CACNB2: variants seen among roughly 807,000 people sequenced by gnomAD.
CACNB2 encodes calcium voltage-gated channel auxiliary subunit beta 2.
Under a neutral mutation model 73.3 loss-of-function variants are expected in CACNB2, and 42 were observed. That is an observed-to-expected ratio of 0.57 (90% CI 0.45 to 0.74). CACNB2 has a LOEUF of 0.74. Ranked by LOEUF, CACNB2 falls within the 30% of genes least tolerant of loss-of-function variation. The pLI is 0.00. For synonymous variants in CACNB2, 348 were observed against 310.3 expected, an observed-to-expected ratio of 1.12 and a Z score of -1.28; for missense variants, 940 against 853.0, an observed-to-expected ratio of 1.10 and a Z score of -1.27.
chr10:18,276,064 A>G (rs1296570588), intron 2 of CACNB2, among the ~76,000 whole-genome samples: 1 of 152,202 alleles, frequency 6.6e-6, no homozygotes, highest in Non-Finnish European at 1.5e-5. Flanking sequence ...TTTTATAGTA[A>G]TCTCAAATAA....
chr10:18,539,213 G>A lies in CACNB2; in HGVS notation c.1489-17G>A, dbSNP rs766681274. 1 of 1,613,918 alleles carries A rather than the reference G, an allele frequency of 6.2e-7. No homozygotes were observed. The highest frequency in any genetic ancestry group is 8.5e-7 in the Non-Finnish European group (1 of 1,179,966). On this transcript the variant is annotated splice_polypyrimidine_tract_variant and intron_variant, in intron 13 of 13. Transcript: ENST00000324631. ...ACTGACCTTGGTTAACGCCTGGTGT[G>A]CTCCTTTCGCTGCCAGGGTTCTCAA...
At chr10:18,285,380 C>T (rs2038742661) in intron 2 of CACNB2, among the ~76,000 whole-genome samples, 1 of 152,184 alleles carries the variant, frequency 6.6e-6, no homozygotes, top group Non-Finnish European at 1.5e-5. Context: ...GAAGCTCAAG[C>T]TATACACAGC....
At chr10:18,179,275 C>G (rs2033759250) in intron 2 of CACNB2, among the ~76,000 whole-genome samples, 1 of 152,058 alleles carries the variant, frequency 6.6e-6, no homozygotes, top group Admixed American at 6.6e-5. Context: ...ACATAGCAGC[C>G]CTTGCTATCT....
At chr10:18,229,272 T>G (rs146804074) in intron 2 of CACNB2, among the ~76,000 whole-genome samples, 1 of 152,236 alleles carries the variant, frequency 6.6e-6, no homozygotes, top group African/African-American at 2.4e-5. Context: ...TTCAATTACA[T>G]GATTTTATTT....
At chr10:18,303,490 G>A (rs987610621) in intron 2 of CACNB2, among the ~76,000 whole-genome samples, 8 of 152,038 alleles carry the variant, frequency 5.3e-5, no homozygotes, top group Admixed American at 1.3e-4. Context: ...GCGTGATAGA[G>A]CAAGGCCCCA....
chr10:18,191,036 G>T (rs190456465), intron 2 of CACNB2, among the ~76,000 whole-genome samples: 2 of 152,228 alleles, frequency 1.3e-5, no homozygotes, highest in Non-Finnish European at 2.9e-5. Context: ...GCCTTAGAAG[G>T]TTACAGTAAA....
rs147793742 is a variant in CACNB2 at position 18,407,148 on chromosome 10, G to A, written c.333+5105G>A. The stretch of plus-strand genomic sequence containing the variant: ...TTTTTTTTTTTTTTTTTTGAGACAG[G>A]GCCTCCCTCTGTCGCCCAGGCTGGA... On this transcript the variant is annotated intron_variant, in intron 3 of 13. Coordinates refer to ENST00000324631, the MANE Select transcript of CACNB2 (RefSeq NM_201596.3). Among the ~76,000 whole-genome samples, 939 of 50,648 alleles carry A rather than the reference G, an allele frequency of 0.019. 40 individuals are homozygous for A. In the South Asian group the frequency reaches 0.23, roughly 12 times the overall value. The allele number at this position is 50,648 out of a possible 152,430, so 33.2% of individuals were successfully genotyped here.
chr10:18,498,643 T>A, intron 4 of CACNB2, 166 bp downstream of exon 4: 1 of 707,814 alleles, frequency 1.4e-6, no homozygotes, highest in Non-Finnish European at 2.4e-6. Context: ...AATATAAATA[T>A]ACCTTTTAAA....
intron 2 of CACNB2, among the ~76,000 whole-genome samples, chr10:18,346,833 G>A (rs898660053): frequency 3.7e-4 from 56 of 151,832 alleles, no homozygotes; most frequent in African/African-American, 1.4e-3. Flanking sequence ...CTGAGCTCAA[G>A]TGATCCACCC....
At chr10:18,455,938 A>AT (rs2047257324) in intron 3 of CACNB2, among the ~76,000 whole-genome samples, 1 of 152,152 alleles carries the variant, frequency 6.6e-6, no homozygotes, top group African/African-American at 2.4e-5. Context: ...TGAGGGTGAC[A>AT]TTTTGTTCCA....
chr10:18,307,815 CAAT>C (rs749752133), intron 2 of CACNB2, among the ~76,000 whole-genome samples: 97 of 152,084 alleles, frequency 6.4e-4, no homozygotes, highest in Non-Finnish European at 1.2e-3. Flanking sequence ...ATGTTCAAAT[CAAT>C]GATAATGAAA....
At chr10:18,521,418 C>A (rs1431869007) in intron 9 of CACNB2, among the ~76,000 whole-genome samples, 4 of 152,000 alleles carry the variant, frequency 2.6e-5, no homozygotes, top group African/African-American at 9.7e-5. Flanking sequence ...CTCACACCCA[C>A]ATCTTAAAGG....
chr10:18,492,508 C>T (rs938822812), intron 3 of CACNB2, among the ~76,000 whole-genome samples: 1 of 150,868 alleles, frequency 6.6e-6, no homozygotes, highest in Non-Finnish European at 1.5e-5. Context: ...GTAGTCCCAA[C>T]TACTTGGGAG....
intron 2 of CACNB2, among the ~76,000 whole-genome samples, chr10:18,394,296 C>A (rs1000189066): frequency 6.6e-6 from 1 of 152,070 alleles, no homozygotes; most frequent in Non-Finnish European, 1.5e-5. Context: ...AGAGAGCAAG[C>A]GAGCGTGCCT....
chr10:18,315,851 A>C (rs774380592), intron 2 of CACNB2, among the ~76,000 whole-genome samples: 12 of 152,222 alleles, frequency 7.9e-5, no homozygotes, highest in Non-Finnish European at 1.5e-4. Context: ...TCAAGCTACA[A>C]CATCGCCTCA....
chr10:18,396,039 C>A (rs553428014), intron 2 of CACNB2, among the ~76,000 whole-genome samples: 119 of 152,318 alleles, frequency 7.8e-4, no homozygotes, highest in African/African-American at 2.6e-3. Flanking sequence ...TCACTGCAGC[C>A]TCTGCCTCCT....
chr10:18,152,733 C>CAAAA (rs1461809120), intron 2 of CACNB2, among the ~76,000 whole-genome samples: 5 of 89,378 alleles, frequency 5.6e-5, no homozygotes, highest in South Asian at 7.1e-4. Flanking sequence ...AAAAAAAAAA[C>CAAAA]AAAAAACAAA....
At position 18,208,657 on chromosome 10, in the gene CACNB2, C is replaced by T. The variant is rs182072838; in HGVS notation, c.213+57682C>T. ...AAAGATTGTTTTAAAATGAATCTGA[C>T]GTTATTCCTCATTCCTTATTGCTTG... On this transcript the variant is annotated intron_variant, in intron 2 of 13. Transcript: ENST00000324631. Among the ~76,000 whole-genome samples, 36 of 151,980 alleles carry T rather than the reference C, an allele frequency of 2.4e-4. No homozygotes were observed. In the Middle Eastern group the frequency reaches 0.02, roughly 86 times the overall value.
intron 2 of CACNB2, among the ~76,000 whole-genome samples, chr10:18,237,411 G>T (rs1349557012): frequency 6.6e-6 from 1 of 152,174 alleles, no homozygotes; most frequent in African/African-American, 2.4e-5. Flanking sequence ...CAAAGGTGGA[G>T]GCAGAGATGG....
Sources: gnomAD v4.1 joint callset for allele counts (sites outside exome capture counted in the v4.1 genomes callset) on GRCh38, gnomAD v4.1.1 for gene constraint, MANE v1.5 for transcripts, NCBI Gene and HGNC (gene_info 2026-07-23, HGNC 2026-07-21) for gene names.